Variants in ANO10 observed in about 807,000 individuals in gnomAD.
ANO10 encodes anoctamin-10.
ANO10 carries 77 observed loss-of-function variants against 74.7 expected under a neutral mutation model. That is an observed-to-expected ratio of 1.03 (90% CI 0.86 to 1.25). The LOEUF is 1.25. ANO10 is among the 50% of genes most tolerant of loss of function. The probability of loss-of-function intolerance (pLI) is 0.00; values close to 1 mark genes in which losing one functional copy is unlikely to be tolerated. For missense variants in ANO10, 721 were observed against 778.1 expected (o/e 0.93, Z 0.87); for synonymous variants, 279 against 284.9 (o/e 0.98, Z 0.21).
intron 1 of ANO10, among the ~76,000 whole-genome samples, chr3:43,665,103 T>A (rs1314281828): frequency 6.6e-6 from 1 of 152,152 alleles, no homozygotes; most frequent in Non-Finnish European, 1.5e-5. Flanking sequence ...CTATTAACAA[T>A]AGCAAAGACT....
chr3:43,678,922 T>G (rs2084158177), intron 1 of ANO10, among the ~76,000 whole-genome samples: 1 of 152,196 alleles, frequency 6.6e-6, no homozygotes, highest in Admixed American at 6.5e-5. Context: ...TTTTAGTAAG[T>G]TATGCTTTCT....
intron 11 of ANO10, among the ~76,000 whole-genome samples, chr3:43,518,394 G>A (rs1219193101): frequency 6.6e-6 from 1 of 152,082 alleles, no homozygotes; most frequent in East Asian, 1.9e-4. Context: ...TGTCGCCTCA[G>A]GATCCTGTGA....
intron 1 of ANO10, among the ~76,000 whole-genome samples, chr3:43,634,317 T>C (rs1215839285): frequency 6.6e-6 from 1 of 152,076 alleles, no homozygotes; most frequent in East Asian, 1.9e-4. Flanking sequence ...AAAAATAAGA[T>C]AGGTATAATA....
chr3:43,386,757 C>T (rs998378075), intron 12 of ANO10, among the ~76,000 whole-genome samples: 1 of 151,706 alleles, frequency 6.6e-6, no homozygotes, highest in East Asian at 2.0e-4. Flanking sequence ...GCTGCCCTGA[C>T]AGCTCCTCAG....
chr3:43,565,849 G>C, intron 7 of ANO10, 122 bp from the exon 8 acceptor site: 1 of 1,004,758 alleles, frequency 1.0e-6, no homozygotes, highest in Non-Finnish European at 1.5e-6. Context: ...GGCCGAATAG[G>C]AACAGCTCCA....
intron 11 of ANO10, among the ~76,000 whole-genome samples, chr3:43,542,345 A>T (rs1474817784): frequency 1.3e-5 from 2 of 152,158 alleles, no homozygotes; most frequent in Non-Finnish European, 2.9e-5. Flanking sequence ...ATCAGCAGAG[A>T]GAAGAAAACA....
At position 43,652,374 on chromosome 3, in the gene ANO10, T is replaced by G. The variant is rs6790902; in HGVS notation, c.-12+39143A>C. Among the ~76,000 whole-genome samples, 659 of 152,296 alleles carry G rather than the reference T, an allele frequency of 4.3e-3. 4 individuals carry two copies. The highest frequency in any genetic ancestry group is 0.015 in the African/African-American group (629 of 41,558). Reference sequence around the variant, plus strand: ...CCTTACATTAATGGTCAACTGATTTTCAACAAGAGTGACAAGATAATTTGA... The same window carrying G: ...CCTTACATTAATGGTCAACTGATTTGCAACAAGAGTGACAAGATAATTTGA... On this transcript the variant is annotated intron_variant, in intron 1 of 3. Transcript: ENST00000413397.
intron 11 of ANO10, among the ~76,000 whole-genome samples, chr3:43,438,836 G>A (rs2148959263): frequency 6.6e-6 from 1 of 151,936 alleles, no homozygotes. Flanking sequence ...TAGGTCATTG[G>A]AAATTATTGA....
At chr3:43,372,829 C>A (rs769434866) in intron 12 of ANO10, 108 of 1,535,114 alleles carry the variant, frequency 7.0e-5, no homozygotes, top group Non-Finnish European at 8.2e-5. Context: ...GGAAGAGAGA[C>A]CAGCTTGCAG....
chr3:43,592,540 A>C (rs997661100), intron 4 of ANO10, among the ~76,000 whole-genome samples: 1 of 152,230 alleles, frequency 6.6e-6, no homozygotes, highest in African/African-American at 2.4e-5. Flanking sequence ...GAGGGTCCTC[A>C]CTGTTAGAAG....
At chr3:43,544,850 C>G (rs2079111959) in intron 11 of ANO10, among the ~76,000 whole-genome samples, 1 of 149,904 alleles carries the variant, frequency 6.7e-6, no homozygotes, top group Non-Finnish European at 1.5e-5. Flanking sequence ...ATAAAGTGAC[C>G]TGGCTTTGGA....
chr3:43,368,747 C>T (rs916671871), intron 12 of ANO10, among the ~76,000 whole-genome samples: 8 of 150,196 alleles, frequency 5.3e-5, no homozygotes, highest in Non-Finnish European at 8.9e-5. Flanking sequence ...AGTGCAGAGG[C>T]GTGATCACAC....
At position 43,598,662 on chromosome 3, in the gene ANO10, G is replaced by A; in HGVS notation, c.342C>T (p.Asn114=). 1 of 1,601,294 alleles carries A rather than the reference G, an allele frequency of 6.2e-7. No individual in the cohort carries two copies. Among genetic ancestry groups the A allele is most frequent in the Non-Finnish European group, 8.5e-7 (1 of 1,172,636 alleles). Residue 114 remains asparagine, a synonymous_variant, in exon 4 of 13, where the codon AAC becomes AAT. Transcript: ENST00000292246. ...TRQNFKGFDD[N]NDDFLTMAEC... is the part of the protein sequence containing the mutation. ...CTGCCATTGTCAGGAAATCATCATT[G>A]TTATCTAAAATAAAACAGAAATTAC... is the stretch of plus-strand genomic sequence containing the variant.
At chr3:43,619,664 A>G (rs2083287260) in intron 1 of ANO10, among the ~76,000 whole-genome samples, 1 of 151,930 alleles carries the variant, frequency 6.6e-6, no homozygotes, top group African/African-American at 2.4e-5. Context: ...AGCCTGGGCA[A>G]CATGGCGAAA....
intron 11 of ANO10, among the ~76,000 whole-genome samples, chr3:43,515,327 T>A (rs901194434): frequency 6.6e-6 from 1 of 152,176 alleles, no homozygotes; most frequent in Non-Finnish European, 1.5e-5. Flanking sequence ...AAGGCCTGAA[T>A]AGAATAAAAG....
At chr3:43,507,739 G>A (rs1043186983) in intron 11 of ANO10, among the ~76,000 whole-genome samples, 5 of 152,056 alleles carry the variant, frequency 3.3e-5, no homozygotes, top group African/African-American at 9.7e-5. Context: ...CAAGCTCAGG[G>A]ATTTTCTCTG....
rs9876018 is a variant in ANO10 at position 43,375,565 on chromosome 3, T to C, written c.1915-8591A>G. 9.7e-4 allele frequency among the ~76,000 whole-genome samples: 148 copies of C among 152,296 alleles called. 1 individual carries two copies. The highest frequency in any genetic ancestry group is 3.4e-3 in the African/African-American group (140 of 41,578). ...AAATGTGGAAACCACAGTGAGACAG[T>C]TGGCAAAATCACAAACGCTAGAGCA... On this transcript the variant is annotated intron_variant, in intron 12 of 12. Coordinates refer to ENST00000292246, the MANE Select transcript of ANO10 (RefSeq NM_018075.5).
intron 11 of ANO10, among the ~76,000 whole-genome samples, chr3:43,530,449 T>C (rs1280433658): frequency 6.7e-6 from 1 of 149,208 alleles, no homozygotes; most frequent in East Asian, 1.9e-4. Context: ...ATATTTTATA[T>C]ATGGTATATA....
At chr3:43,404,346 A>C (rs1416876426) in intron 12 of ANO10, among the ~76,000 whole-genome samples, 1 of 152,192 alleles carries the variant, frequency 6.6e-6, no homozygotes, top group Non-Finnish European at 1.5e-5. Context: ...ACACAGCCTT[A>C]AGGCCACAAG....
Sources: allele counts gnomAD v4.1 joint callset (sites outside exome capture counted in the v4.1 genomes callset), GRCh38; gene constraint gnomAD v4.1.1; transcripts MANE v1.5; gene names NCBI Gene and HGNC (gene_info 2026-07-23, HGNC 2026-07-21).